DMTN: variants seen among roughly 807,000 people sequenced by gnomAD.
DMTN encodes dematin.
Under a neutral mutation model 59.4 loss-of-function variants are expected in DMTN, and 27 were observed. That is an observed-to-expected ratio of 0.45 (90% CI 0.33 to 0.63). The LOEUF (loss-of-function observed/expected upper bound fraction) is 0.63, where lower values mean the gene tolerates loss of function less well. Among genes scored for constraint, DMTN ranks in the 20% least tolerant of loss-of-function variants. The probability of loss-of-function intolerance (pLI) is 0.02; values close to 1 mark genes in which losing one functional copy is unlikely to be tolerated. For missense variants in DMTN, 451 were observed against 528.9 expected, an observed-to-expected ratio of 0.85 and a Z score of 1.45; for synonymous variants, 221 against 203.7, an observed-to-expected ratio of 1.08 and a Z score of -0.72.
intron 4 of DMTN, 39 bp downstream of exon 4, chr8:22,067,721 C>G: frequency 1.9e-6 from 3 of 1,605,098 alleles, no homozygotes; most frequent in Non-Finnish European, 2.5e-6. Context: ...CGGGGGAGGC[C>G]CCCCCCAGCC....
upstream of DMTN, among the ~76,000 whole-genome samples, chr8:22,053,287 G>GT (rs1801547201): frequency 6.6e-6 from 1 of 152,218 alleles, no homozygotes; most frequent in Admixed American, 6.5e-5. Flanking sequence ...CAGTGGTCTG[G>GT]TGGCAGCATG....
At chr8:22,050,649 AAGGGAG>A (rs775775150), upstream of DMTN, among the ~76,000 whole-genome samples, 38 of 152,010 alleles carry the variant, frequency 2.5e-4, no homozygotes, top group Admixed American at 5.2e-4. Context: ...AGGGACAGAG[AAGGGAG>A]AGGGAGAGGG....
intron 8 of DMTN, among the ~76,000 whole-genome samples, chr8:22,071,152 A>C (rs1259222505): frequency 1.3e-5 from 2 of 152,138 alleles, no homozygotes; most frequent in South Asian, 4.1e-4. Context: ...GCTGTAGTGC[A>C]GTGGCACAAT....
rs748291920 is a variant in DMTN, at chr8:22,076,751, C to CAT, written c.835+2924_835+2925dup. On this transcript the variant is annotated intron_variant, in intron 10 of 15. Coordinates refer to ENST00000358242, the MANE Select transcript of DMTN (RefSeq NM_001387751.1). ...GTCCTATTTTTTCTTTTTTGGGTGA[C>CAT]ATATATATACACACACACACACATA... 8.2e-3 allele frequency among the ~76,000 whole-genome samples: 1,246 copies of CAT among 151,248 alleles called. 10 individuals carry two copies. Among genetic ancestry groups the CAT allele is most frequent in the Non-Finnish European group, 0.014 (983 of 67,872 alleles).
rs149964975 is a variant in DMTN, at chr8:22,067,726, C to T, written c.249+44C>T. 1,860 of 1,604,668 alleles carry T rather than the reference C, an allele frequency of 1.2e-3. 16 individuals are homozygous for T. The African/African-American group carries it at 0.023, about 19-fold the overall frequency. On this transcript the variant is annotated intron_variant, in intron 4 of 15. Coordinates refer to ENST00000358242, the MANE Select transcript of DMTN (RefSeq NM_001387751.1). ...GGCAGGACTCCGGGGGAGGCCCCCC[C>T]CAGCCACACTGGGTGGGGACCGATC... is the stretch of plus-strand genomic sequence containing the variant.
At chr8:22,069,990 C>A in intron 7 of DMTN, 53 bp downstream of exon 7, 1 of 1,606,940 alleles carries the variant, frequency 6.2e-7, no homozygotes, top group Non-Finnish European at 8.5e-7. Flanking sequence ...TGCTGGGAGG[C>A]CGTGCCCTGG....
At chr8:22,068,141 G>A (rs564999747) in intron 4 of DMTN, among the ~76,000 whole-genome samples, 9 of 152,308 alleles carry the variant, frequency 5.9e-5, no homozygotes, top group South Asian at 2.1e-4. Context: ...GGGTAGCGTC[G>A]TGGCTGACCA....
chr8:22,067,452 T>G, intron 3 of DMTN, 75 bp from the exon 4 acceptor site: 2 of 1,569,960 alleles, frequency 1.3e-6, no homozygotes, highest in Non-Finnish European at 1.7e-6. Flanking sequence ...GTAATTGACG[T>G]AAGTCTAGCT....
rs528576285 is a variant in DMTN, at chr8:22,067,404, A to G, written c.94-123A>G. ...AAGGTGACTAATTTCTTAAAATAATAGAATTGTTAACGTCTGCAATGGCGG... is the reference window on the plus strand; with the variant it reads ...AAGGTGACTAATTTCTTAAAATAATGGAATTGTTAACGTCTGCAATGGCGG... On this transcript the variant is annotated intron_variant, in intron 3 of 15. Coordinates refer to ENST00000358242, the MANE Select transcript of DMTN (RefSeq NM_001387751.1). 7 of 1,392,518 alleles carry G rather than the reference A, an allele frequency of 5.0e-6. No homozygotes were observed. In the African/African-American group the frequency reaches 8.7e-5, roughly 17 times the overall value. 86.3% of individuals were successfully genotyped at this position (1,392,518 alleles called of 1,614,324 possible). A position where few individuals can be genotyped will look rare whatever the true frequency, so the allele number is the denominator to read the frequency against.
chr8:22,078,695 G>A (rs1467224674), intron 10 of DMTN, among the ~76,000 whole-genome samples: 1 of 151,744 alleles, frequency 6.6e-6, no homozygotes, highest in Non-Finnish European at 1.5e-5. Flanking sequence ...TGTGCAAGTT[G>A]AGACTGAGGT....
intron 10 of DMTN, among the ~76,000 whole-genome samples, chr8:22,079,767 A>C (rs974807792): frequency 5.3e-5 from 8 of 152,074 alleles, no homozygotes; most frequent in African/African-American, 1.9e-4. Context: ...GCCAAAAAAA[A>C]AATTTTTTTT....
chr8:22,080,893 G>T, intron 14 of DMTN, 23 bp downstream of exon 14: 1 of 1,546,338 alleles, frequency 6.5e-7, no homozygotes, highest in African/African-American at 1.4e-5. Flanking sequence ...GGACACAAGC[G>T]CCTGTAGCGG....
chr8:22,072,282 C>G, intron 8 of DMTN, 44 bp from the exon 9 acceptor site: 1 of 1,567,598 alleles, frequency 6.4e-7, no homozygotes. Context: ...CACACTGACC[C>G]CATGGCGAGT....
rs1811758474 is a variant in DMTN at position 22,067,516 on chromosome 8, T to C, written c.94-11T>C. ...TCGGCACAGCAGTTTCACGCGCACC[T>C]TTCCCTTCAGGCCAAGATGGACAAT... On this transcript the variant is annotated splice_polypyrimidine_tract_variant and intron_variant, in intron 3 of 15. Coordinates refer to ENST00000358242, the MANE Select transcript of DMTN (RefSeq NM_001387751.1). The C allele has an allele frequency of 8.1e-6, 13 of 1,613,986 alleles. No homozygotes were observed. The highest frequency in any genetic ancestry group is 1.1e-5 in the Non-Finnish European group (13 of 1,179,996).
At position 22,058,594 on chromosome 8, in the gene DMTN, C is replaced by T. The variant is rs944674527; in HGVS notation, c.-172+1458C>T. ...AGAGGCAGGAGGGGGCACCTGGGCC[C>T]GGTTTTGTTGTTATTGAGAGAACAA... On this transcript the variant is annotated intron_variant, in intron 1 of 15. Transcript: ENST00000358242. This position sits in a 1 kb window ranked among gnomAD's most constrained non-coding sequence, Gnocchi z 4.3. 1.2e-4 allele frequency among the ~76,000 whole-genome samples: 18 copies of T among 152,096 alleles called. No homozygotes were observed. In the East Asian group the frequency reaches 1.7e-3, roughly 15 times the overall value.
intron 1 of DMTN, among the ~76,000 whole-genome samples, chr8:22,059,013 G>A (rs965793834): frequency 2.0e-5 from 3 of 152,090 alleles, no homozygotes; most frequent in Admixed American, 6.5e-5. Flanking sequence ...CTGCAGCGCC[G>A]CACTGCTCCA....
chr8:22,069,938 G>A lies in DMTN; in HGVS notation c.451+1G>A. 6.2e-7 allele frequency: 1 copy of A among 1,614,130 alleles called. No homozygotes were observed. The highest frequency in any genetic ancestry group is 8.5e-7 in the Non-Finnish European group (1 of 1,180,000). ...AAGCCTCCCATCTATAAGCAGAGAG[G>A]TGAGGGCGCCCCTGGCTCACCAGAG... On this transcript the variant is annotated splice_donor_variant, in intron 7 of 15. Coordinates refer to ENST00000358242, the MANE Select transcript of DMTN (RefSeq NM_001387751.1). LOFTEE classifies it high-confidence loss of function.
At chr8:22,075,561 C>G (rs988099777) in intron 10 of DMTN, among the ~76,000 whole-genome samples, 1 of 136,006 alleles carries the variant, frequency 7.4e-6, no homozygotes, top group African/African-American at 2.7e-5. Context: ...CACTGTCACC[C>G]AGGCTGGAGT....
chr8:22,064,887 G>C (rs1439293893), intron 1 of DMTN, among the ~76,000 whole-genome samples: 1 of 152,198 alleles, frequency 6.6e-6, no homozygotes, highest in Non-Finnish European at 1.5e-5. Context: ...TCGTGCTGAA[G>C]ACACAGTCAT....
Sources: gnomAD v4.1 joint callset for allele counts (sites outside exome capture counted in the v4.1 genomes callset) on GRCh38, gnomAD v4.1.1 for gene constraint, Gnocchi (gnomAD v3.1) non-coding constraint, MANE v1.5 for transcripts, NCBI Gene and HGNC (gene_info 2026-07-23, HGNC 2026-07-21) for gene names.